Variants in HERC5 observed in about 807,000 individuals in gnomAD.
The protein encoded by HERC5 is E3 ISG15--protein ligase HERC5.
HERC5 carries 99 observed loss-of-function variants against 119.6 expected under a neutral mutation model. The ratio of observed to expected loss-of-function variants is 0.83; its 90% confidence interval spans 0.70 to 0.98. The LOEUF (loss-of-function observed/expected upper bound fraction) is 0.98, where lower values mean the gene tolerates loss of function less well. Ranked by LOEUF, HERC5 falls within the 50% of genes least tolerant of loss-of-function variation. HERC5 has a pLI of 0.00. For missense variants in HERC5, 1,267 were observed against 1,241.3 expected (o/e 1.02, Z -0.31); for synonymous variants, 478 against 445.9 (o/e 1.07, Z -0.91).
intron 6 of HERC5, 124 bp from the exon 7 acceptor site, chr4:88,466,935 T>C: frequency 1.1e-6 from 1 of 952,134 alleles, no homozygotes; most frequent in Non-Finnish European, 1.6e-6. Context: ...ATGATTTTCA[T>C]CCTCTAAGAG....
Position 88,479,480 on chromosome 4 carries a change from C to T in HERC5, c.1710C>T (p.Leu570=). The change falls in exon 13 of 23, where the codon CTC becomes CTT. Residue 570 remains leucine, a synonymous_variant. Transcript: ENST00000264350. ...SAEENGNVQA[L]LEMLKKLHRV... ...AGGAGAATGGTAATGTTCAAGCTCT[C>T]CTAGAAATGTTGAAGAAGCTGCACA... 2.5e-6 allele frequency: 4 copies of T among 1,605,834 alleles called. No homozygotes were observed. The highest frequency in any genetic ancestry group is 3.4e-6 in the Non-Finnish European group (4 of 1,177,684).
rs1741052844 is a variant in HERC5, at chr4:88,475,966, G to C, written c.1518G>C (p.Glu506Asp). Reference sequence around the variant, plus strand: ...TGATGCATATTTCCAACAACTGGGAGAGCCTTGTGGTTCCATTTGCAAAGG... The same window carrying C: ...TGATGCATATTTCCAACAACTGGGACAGCCTTGTGGTTCCATTTGCAAAGG... ...CPMMHISNNW[E>D]SLVVPFAKVV... Residue 506 changes from glutamate (E) to aspartate (D), a missense_variant, in exon 12 of 23, where the codon GAG (glutamate) becomes GAC (aspartate). Around this residue, in one of 3 missense-constraint regions of HERC5, gnomAD observed 777 missense variants for 758.0 expected, o/e 1.03. Coordinates refer to ENST00000264350, the MANE Select transcript of HERC5 (RefSeq NM_016323.4). 1 of 1,613,920 alleles carries C rather than the reference G, an allele frequency of 6.2e-7. No homozygotes were observed. Among genetic ancestry groups the C allele is most frequent in the Admixed American group, 1.7e-5 (1 of 59,994 alleles).
intron 13 of HERC5, 65 bp from the exon 14 acceptor site, chr4:88,486,050 T>G (rs1741451229): frequency 3.5e-6 from 3 of 850,930 alleles, no homozygotes; most frequent in Non-Finnish European, 5.8e-6. Context: ...ATAATCTAAT[T>G]AACAGCTATT....
rs1267555329 is a variant in HERC5 at position 88,489,077 on chromosome 4, CAG to C, written c.1963-87_1963-86del. On this transcript the variant is annotated intron_variant, in intron 15 of 22. Coordinates refer to ENST00000264350, the MANE Select transcript of HERC5 (RefSeq NM_016323.4). ...CATAAATGTGACCTGCACTTATAAG[CAG>C]AACCAGTTTATTCTGCTTTCCAAAT... The C allele has an allele frequency of 1.7e-5, 18 of 1,029,530 alleles. No individual in the cohort carries two copies. The East Asian group carries it at 4.3e-4, about 25-fold the overall frequency. The allele number at this position is 1,029,530 out of a possible 1,614,324, so 63.8% of individuals were successfully genotyped here. A position where few individuals can be genotyped will look rare whatever the true frequency, so the allele number is the denominator to read the frequency against.
intron 13 of HERC5, among the ~76,000 whole-genome samples, chr4:88,484,781 A>T (rs917516665): frequency 6.6e-6 from 1 of 152,224 alleles, no homozygotes; most frequent in African/African-American, 2.4e-5. Flanking sequence ...CCAAAGCCCC[A>T]ACCATTGAAA....
At chr4:88,481,647 A>G (rs1052748985) in intron 13 of HERC5, among the ~76,000 whole-genome samples, 1 of 152,220 alleles carries the variant, frequency 6.6e-6, no homozygotes, top group African/African-American at 2.4e-5. Flanking sequence ...ACCAGATAGT[A>G]AATATTTTAG....
intron 20 of HERC5, among the ~76,000 whole-genome samples, chr4:88,503,428 T>C (rs999533436): frequency 6.6e-6 from 1 of 152,204 alleles, no homozygotes; most frequent in Non-Finnish European, 1.5e-5. Context: ...TATTTGAATC[T>C]TCTCTGTCCT....
intron 16 of HERC5, 63 bp downstream of exon 16, chr4:88,489,399 G>A: frequency 7.0e-7 from 1 of 1,432,830 alleles, no homozygotes; most frequent in Non-Finnish European, 9.5e-7. Context: ...AAAGAATGTG[G>A]CAAAGGGTTT....
Position 88,489,250 on chromosome 4 carries a change from C to A in HERC5, c.2047C>A (p.Leu683Ile). 9 of 1,613,912 alleles carry A rather than the reference C, an allele frequency of 5.6e-6. No homozygotes were observed. The highest frequency in any genetic ancestry group is 7.6e-6 in the Non-Finnish European group (9 of 1,179,844). ...ATTCGCTTTGAGGCCCACGTTTGATCTAACAGTCAGAAGGAATCACTTGAT... is the reference window on the plus strand; with the variant it reads ...ATTCGCTTTGAGGCCCACGTTTGATATAACAGTCAGAAGGAATCACTTGAT... ...SEFALRPTFD[L>I]TVRRNHLIED... The change falls in exon 16 of 23, where the codon CTA (leucine) becomes ATA (isoleucine). Residue 683 changes from leucine to isoleucine, a missense_variant. Physicochemically the swap from Leu to Ile is conservative, Grantham distance 5 (BLOSUM62 2). Around this residue, in one of 3 missense-constraint regions of HERC5, gnomAD observed 473 missense variants for 445.7 expected, o/e 1.06. Coordinates refer to ENST00000264350, the MANE Select transcript of HERC5 (RefSeq NM_016323.4).
Position 88,505,888 on chromosome 4 carries a change from T to G in HERC5, c.*10T>G. 1 of 1,588,902 alleles carries G rather than the reference T, an allele frequency of 6.3e-7. No individual in the cohort carries two copies. Among genetic ancestry groups the G allele is most frequent in the Non-Finnish European group, 8.6e-7 (1 of 1,163,196 alleles). The stretch of plus-strand genomic sequence containing the variant: ...CAGAGGATTTGGCTGACCAGCTTGC[T>G]TGTCCAACAGCCTTATTTTGTTGTT... On this transcript the variant is annotated 3_prime_UTR_variant, in exon 23 of 23. Coordinates refer to ENST00000264350, the MANE Select transcript of HERC5 (RefSeq NM_016323.4).
intron 20 of HERC5, among the ~76,000 whole-genome samples, chr4:88,502,829 TA>T (rs1300859205): frequency 6.6e-6 from 1 of 152,170 alleles, no homozygotes; most frequent in Non-Finnish European, 1.5e-5. Flanking sequence ...TTTTCAGAAA[TA>T]ATTATTCCTC....
Position 88,472,485 on chromosome 4 carries a change from G to A in HERC5, c.1375G>A (p.Asp459Asn), listed in dbSNP as rs377595074. ...RNIFKELTQK[D>N]WITNMITTCL... ...CATCTTCAAGGAGTTAACCCAAAAGGACTGGATTACTAACATGGTATCTTC... is the reference window on the plus strand; with the variant it reads ...CATCTTCAAGGAGTTAACCCAAAAGAACTGGATTACTAACATGGTATCTTC... Residue 459 changes from aspartate to asparagine, a missense_variant, in exon 11 of 23, where the codon GAC becomes AAC. Around this residue, in one of 3 missense-constraint regions of HERC5, gnomAD observed 777 missense variants for 758.0 expected, o/e 1.03. Transcript: ENST00000264350. The A allele has an allele frequency of 1.3e-6, 2 of 1,581,104 alleles. No individual in the cohort carries two copies. The highest frequency in any genetic ancestry group is 2.2e-5 in the East Asian group (1 of 44,546).
chr4:88,499,927 A>T lies in HERC5; in HGVS notation c.2446A>T (p.Asn816Tyr), dbSNP rs1167303089. 5.0e-6 allele frequency: 8 copies of T among 1,600,832 alleles called. No homozygotes were observed. The South Asian group carries it at 7.8e-5, about 16-fold the overall frequency. ...AAAGCAAGATTATTTTTTCCTTAGGAATTTGCAAACACTTCTGGATGATGA... is the reference window on the plus strand; with the variant it reads ...AAAGCAAGATTATTTTTTCCTTAGGTATTTGCAAACACTTCTGGATGATGA... ...LKELSPDLGK[N>Y]LQTLLDDEGD... The change falls in exon 19 of 23, where the codon AAT becomes TAT. Residue 816 changes from asparagine (N) to tyrosine (Y), a missense_variant and splice_region_variant. By Grantham distance (143) the Asn-to-Tyr change is moderately radical (BLOSUM62 -2). Around this residue, in one of 3 missense-constraint regions of HERC5, gnomAD observed 473 missense variants for 445.7 expected, o/e 1.06. Coordinates refer to ENST00000264350, the MANE Select transcript of HERC5 (RefSeq NM_016323.4).
chr4:88,493,151 T>C lies in HERC5; in HGVS notation c.2273T>C (p.Val758Ala). ...GGGGCTTCCTGCATGTGGTTTCCTG[T>C]CAAGGTAAGTTCCCTCTTCTTTGCT... The part of the protein sequence containing the change: ...PEGASCMWFP[V>A]KPKFEKKRYF... The change falls in exon 17 of 23, where the codon GTC becomes GCC. Residue 758 changes from valine to alanine, a missense_variant. Val to Ala is a moderately conservative substitution (Grantham distance 64, BLOSUM62 0). Coordinates refer to ENST00000264350, the MANE Select transcript of HERC5 (RefSeq NM_016323.4). 1 of 1,613,782 alleles carries C rather than the reference T, an allele frequency of 6.2e-7. No homozygotes were observed. The highest frequency in any genetic ancestry group is 8.5e-7 in the Non-Finnish European group (1 of 1,179,830).
At chr4:88,484,782 A>C (rs902131098) in intron 13 of HERC5, among the ~76,000 whole-genome samples, 1 of 152,200 alleles carries the variant, frequency 6.6e-6, no homozygotes, top group South Asian at 2.1e-4. Flanking sequence ...CAAAGCCCCA[A>C]CCATTGAAAA....
chr4:88,506,050 T>C lies in HERC5; in HGVS notation c.*172T>C. 1 of 613,502 alleles carries C rather than the reference T, an allele frequency of 1.6e-6. No homozygotes were observed. The highest frequency in any genetic ancestry group is 2.9e-6 in the Non-Finnish European group (1 of 348,240). 38.0% of individuals were successfully genotyped at this position (613,502 alleles called of 1,614,324 possible). A position where few individuals can be genotyped will look rare whatever the true frequency, so the allele number is the denominator to read the frequency against. On this transcript the variant is annotated 3_prime_UTR_variant, in exon 23 of 23. Coordinates refer to ENST00000264350, the MANE Select transcript of HERC5 (RefSeq NM_016323.4). Reference sequence around the variant, plus strand: ...AAGAGGGATGAAGAAGAGGGTTTACTGGCCGGTTAGAACCCGTGACTGTAT... The same window carrying C: ...AAGAGGGATGAAGAAGAGGGTTTACCGGCCGGTTAGAACCCGTGACTGTAT...
intron 18 of HERC5, among the ~76,000 whole-genome samples, chr4:88,497,561 A>G (rs1741834304): frequency 6.6e-6 from 1 of 152,226 alleles, no homozygotes. Flanking sequence ...AGCAATCTCT[A>G]AGCAAAGTGG....
intron 20 of HERC5, among the ~76,000 whole-genome samples, chr4:88,502,281 C>T (rs1741969971): frequency 6.6e-6 from 1 of 152,152 alleles, no homozygotes; most frequent in Admixed American, 6.5e-5. Flanking sequence ...AATCAATGCT[C>T]CTACCTGAAA....
intron 12 of HERC5, among the ~76,000 whole-genome samples, chr4:88,476,535 T>C (rs1192112473): frequency 6.6e-6 from 1 of 152,238 alleles, no homozygotes; most frequent in Non-Finnish European, 1.5e-5. Context: ...GCTTTCTGTT[T>C]ATGTACAGAT....
Sources: gnomAD v4.1 joint callset for allele counts (sites outside exome capture counted in the v4.1 genomes callset) on GRCh38, gnomAD v4.1.1 for gene constraint, gnomAD v4.1.1 regional missense constraint, MANE v1.5 for transcripts, NCBI Gene and HGNC (gene_info 2026-07-23, HGNC 2026-07-21) for gene names.